ZNF385D: variants seen among roughly 807,000 people sequenced by gnomAD.
ZNF385D encodes zinc finger protein 659.
In ZNF385D, 15 loss-of-function variants were observed where a neutral mutation model predicts 35.8. That is an observed-to-expected ratio of 0.42 (90% confidence interval 0.28 to 0.64). ZNF385D has a LOEUF of 0.64. ZNF385D is among the 30% of genes least tolerant of loss of function. ZNF385D has a pLI of 0.23. For synonymous variants in ZNF385D, 212 were observed against 186.8 expected, an observed-to-expected ratio of 1.13 and a Z score of -1.10; for missense variants, 474 against 494.6, an observed-to-expected ratio of 0.96 and a Z score of 0.39.
chr3:22,267,387 A>G (rs1204005647), intron 2 of ZNF385D, among the ~76,000 whole-genome samples: 28 of 151,896 alleles, frequency 1.8e-4, no homozygotes, highest in Admixed American at 1.8e-3. Context: ...CAAAGAACAC[A>G]AAAACTACAT....
In ZNF385D at chr3:22,108,002, T is replaced by A. The variant is rs1576333444; in HGVS notation, c.325+60815A>T. 2.6e-5 allele frequency among the ~76,000 whole-genome samples: 4 copies of A among 151,866 alleles called. No individual in the cohort carries two copies. The Admixed American group carries it at 2.6e-4, about 10-fold the overall frequency. ...AGCTTTTGGCTATCTCCTGCCCTTC[T>A]GCCTTATACCATGTGACGATGCAGA... On this transcript the variant is annotated intron_variant, in intron 3 of 5. Transcript: ENST00000494108.
chr3:21,847,956 A>G (rs1387652863), intron 3 of ZNF385D, among the ~76,000 whole-genome samples: 1 of 151,954 alleles, frequency 6.6e-6, no homozygotes, highest in Non-Finnish European at 1.5e-5. Context: ...GTATATCTCA[A>G]TTTTTATATC....
chr3:21,706,674 T>C (rs1318038794), intron 1 of ZNF385D, among the ~76,000 whole-genome samples: 1 of 152,148 alleles, frequency 6.6e-6, no homozygotes, highest in Non-Finnish European at 1.5e-5. Context: ...GAGTCAGTTA[T>C]AGTTAAGACC....
At position 21,457,398 on chromosome 3, in the gene ZNF385D, T is replaced by C. The variant is rs187969256; in HGVS notation, c.440-20195A>G. ...TGAGAATGAGTCTCGTTCTGTCACC[T>C]AGGCTGGAGTGCAATGGCATGATCT... On this transcript the variant is annotated intron_variant, in intron 4 of 7. Coordinates refer to ENST00000281523, the MANE Select transcript of ZNF385D (RefSeq NM_024697.3). 5.3e-5 allele frequency among the ~76,000 whole-genome samples: 8 copies of C among 151,874 alleles called. No individual in the cohort carries two copies. In the East Asian group the frequency reaches 1.6e-3, roughly 30 times the overall value.
intron 3 of ZNF385D, among the ~76,000 whole-genome samples, chr3:21,947,023 T>G (rs1701822801): frequency 6.6e-6 from 1 of 152,160 alleles, no homozygotes. Context: ...AGTTTGAGTA[T>G]GCCTGAGAAA....
intron 4 of ZNF385D, among the ~76,000 whole-genome samples, chr3:21,469,028 G>GGGAT (rs2125336512): frequency 6.6e-6 from 1 of 152,250 alleles, no homozygotes; most frequent in African/African-American, 2.4e-5. Flanking sequence ...CCTCTGTGTG[G>GGGAT]GGATGGATTG....
intron 2 of ZNF385D, among the ~76,000 whole-genome samples, chr3:22,257,173 G>C (rs2638156): frequency 2.6e-5 from 4 of 151,676 alleles, no homozygotes; most frequent in Middle Eastern, 3.4e-3. Flanking sequence ...AGTCTCACCA[G>C]AGAAAAATCT....
intron 4 of ZNF385D, among the ~76,000 whole-genome samples, chr3:21,454,015 A>T (rs1040572004): frequency 6.6e-6 from 1 of 152,174 alleles, no homozygotes; most frequent in Non-Finnish European, 1.5e-5. Context: ...ATATTCAATC[A>T]TATAAAGAAA....
intron 2 of ZNF385D, among the ~76,000 whole-genome samples, chr3:21,599,148 G>A (rs2064208920): frequency 6.6e-6 from 1 of 152,112 alleles, no homozygotes; most frequent in South Asian, 2.1e-4. Context: ...GACTAACTTT[G>A]TTACAGACTG....
chr3:22,020,068 A>G (rs1697133252), intron 3 of ZNF385D, among the ~76,000 whole-genome samples: 1 of 151,896 alleles, frequency 6.6e-6, no homozygotes, highest in Non-Finnish European at 1.5e-5. Context: ...TCATACAATT[A>G]AAAAATGTAA....
chr3:22,112,800 G>A (rs1702603132), intron 3 of ZNF385D, among the ~76,000 whole-genome samples: 1 of 151,994 alleles, frequency 6.6e-6, no homozygotes, highest in South Asian at 2.1e-4. Flanking sequence ...TGTTTGTTAA[G>A]CCTGTTTTAC....
intron 2 of ZNF385D, among the ~76,000 whole-genome samples, chr3:22,181,640 G>A (rs1474685960): frequency 6.7e-6 from 1 of 149,822 alleles, no homozygotes; most frequent in Non-Finnish European, 1.5e-5. Context: ...GGAGCTTGCA[G>A]TGAGCGGAGA....
At chr3:21,780,132 G>A (rs1375628756) in intron 3 of ZNF385D, among the ~76,000 whole-genome samples, 1 of 151,944 alleles carries the variant, frequency 6.6e-6, no homozygotes, top group South Asian at 2.1e-4. Context: ...ACACTCTGGA[G>A]AGCCAACAAT....
At chr3:21,491,853 T>A (rs1314550872) in intron 4 of ZNF385D, among the ~76,000 whole-genome samples, 1 of 152,152 alleles carries the variant, frequency 6.6e-6, no homozygotes, top group African/African-American at 2.4e-5. Context: ...CAGTGGATAT[T>A]TACCATGCTG....
At chr3:22,090,646 T>G (rs983290729) in intron 3 of ZNF385D, among the ~76,000 whole-genome samples, 10 of 152,072 alleles carry the variant, frequency 6.6e-5, no homozygotes, top group African/African-American at 2.4e-4. Context: ...GTTGAGTAAA[T>G]TACAACAACA....
chr3:21,969,971 A>G (rs679430), intron 3 of ZNF385D, among the ~76,000 whole-genome samples: 20,682 of 152,108 alleles, frequency 0.14, 3,378 homozygotes, highest in African/African-American at 0.39. Flanking sequence ...CAGTATCTCT[A>G]TAAGTCTGCA....
intron 2 of ZNF385D, among the ~76,000 whole-genome samples, chr3:22,193,252 C>G (rs953506159): frequency 1.1e-4 from 16 of 151,950 alleles, no homozygotes; most frequent in African/African-American, 3.6e-4. Context: ...ACAGTGTAGC[C>G]CTTAGTAATT....
chr3:22,239,781 C>A (rs1224185535), intron 2 of ZNF385D, among the ~76,000 whole-genome samples: 1 of 150,822 alleles, frequency 6.6e-6, no homozygotes, highest in Non-Finnish European at 1.5e-5. Context: ...CAGAGAGTTA[C>A]AATCAGTTGA....
chr3:22,159,101 C>G (rs1705780200), intron 3 of ZNF385D, among the ~76,000 whole-genome samples: 1 of 151,576 alleles, frequency 6.6e-6, no homozygotes, highest in Admixed American at 6.6e-5. Flanking sequence ...CAAGGTAGCT[C>G]TATGTGTACT....
Sources: gnomAD v4.1 joint callset for allele counts (sites outside exome capture counted in the v4.1 genomes callset) on GRCh38, gnomAD v4.1.1 for gene constraint, MANE v1.5 for transcripts, NCBI Gene and HGNC (gene_info 2026-07-23, HGNC 2026-07-21) for gene names.